Variants in MAPK10 observed in about 807,000 individuals in gnomAD.
The protein encoded by MAPK10 is mitogen-activated protein kinase 10.
Under a neutral mutation model 59.3 loss-of-function variants are expected in MAPK10, and 25 were observed. That is an observed-to-expected ratio of 0.42 (90% CI 0.31 to 0.59). The LOEUF is 0.59. MAPK10 is among the 20% of genes least tolerant of loss of function. MAPK10 has a pLI of 0.15. For synonymous variants in MAPK10, 190 were observed against 200.5 expected, an observed-to-expected ratio of 0.95 and a Z score of 0.44; for missense variants, 351 against 568.9, an observed-to-expected ratio of 0.62 and a Z score of 3.90.
At chr4:86,517,698 T>C (rs186568613) in intron 1 of MAPK10, among the ~76,000 whole-genome samples, 9 of 152,306 alleles carry the variant, frequency 5.9e-5, no homozygotes, top group Non-Finnish European at 2.9e-5. Context: ...TTCTTAGTTT[T>C]AATATTAGGG....
At chr4:86,200,509 T>C (rs1390703068) in intron 2 of MAPK10, among the ~76,000 whole-genome samples, 1 of 151,946 alleles carries the variant, frequency 6.6e-6, no homozygotes, top group Non-Finnish European at 1.5e-5. Flanking sequence ...TCCCTTTCCA[T>C]TGCTGACAAA....
At chr4:86,033,498 T>C (rs1273719109) in intron 11 of MAPK10, among the ~76,000 whole-genome samples, 1 of 152,230 alleles carries the variant, frequency 6.6e-6, no homozygotes, top group Non-Finnish European at 1.5e-5. Flanking sequence ...AAGAGTACAG[T>C]TCCTGCCAAA....
intron 3 of MAPK10, among the ~76,000 whole-genome samples, chr4:86,169,606 AC>A (rs2073323298): frequency 6.6e-6 from 1 of 152,150 alleles, no homozygotes; most frequent in Non-Finnish European, 1.5e-5. Flanking sequence ...CCTGAAAGTG[AC>A]TGGGAGAATG....
At chr4:86,333,280 A>T (rs542994549) in intron 2 of MAPK10, among the ~76,000 whole-genome samples, 1 of 152,302 alleles carries the variant, frequency 6.6e-6, no homozygotes, top group East Asian at 1.9e-4. Context: ...TAGGCATCAA[A>T]CCAATTTCAT....
At chr4:86,032,294 T>C (rs1023837351) in intron 11 of MAPK10, 2 of 151,768 alleles carry the variant, frequency 1.3e-5, no homozygotes, top group Non-Finnish European at 2.9e-5. Flanking sequence ...CTTTGGGAGA[T>C]CTACCATGGC....
intron 1 of MAPK10, among the ~76,000 whole-genome samples, chr4:86,509,460 C>A (rs1756042514): frequency 6.8e-6 from 1 of 148,100 alleles, no homozygotes; most frequent in African/African-American, 2.5e-5. Flanking sequence ...GAAACGCTGA[C>A]CAAAAAAAAA....
intron 2 of MAPK10, among the ~76,000 whole-genome samples, chr4:86,249,322 A>G (rs753305755): frequency 6.6e-6 from 1 of 152,166 alleles, no homozygotes; most frequent in African/African-American, 2.4e-5. Context: ...GCCAGTGTCT[A>G]TGATTCTCCT....
intron 4 of MAPK10, among the ~76,000 whole-genome samples, chr4:86,148,679 G>C (rs2065612806): frequency 6.6e-6 from 1 of 152,182 alleles, no homozygotes; most frequent in African/African-American, 2.4e-5. Context: ...GCAACTGAAG[G>C]AATAGCAATC....
chr4:86,379,730 A>G (rs1406400633), intron 1 of MAPK10, among the ~76,000 whole-genome samples: 3 of 152,194 alleles, frequency 2.0e-5, no homozygotes, highest in African/African-American at 4.8e-5. Context: ...TAGTTAATCT[A>G]TAATCTATAG....
intron 3 of MAPK10, among the ~76,000 whole-genome samples, chr4:86,188,216 A>T (rs1269480444): frequency 2.0e-5 from 3 of 152,114 alleles, no homozygotes; most frequent in Admixed American, 2.0e-4. Flanking sequence ...ATACCTGTGC[A>T]TTTGTCTTTA....
chr4:86,436,736 A>G (rs1398137653), intron 1 of MAPK10, among the ~76,000 whole-genome samples: 2 of 152,184 alleles, frequency 1.3e-5, no homozygotes, highest in Non-Finnish European at 2.9e-5. Context: ...TAGTTAATAT[A>G]TCAAGATATA....
intron 1 of MAPK10, among the ~76,000 whole-genome samples, chr4:86,423,399 G>T (rs757959706): frequency 6.6e-6 from 1 of 152,194 alleles, no homozygotes; most frequent in Admixed American, 6.5e-5. Flanking sequence ...AGGACACAAA[G>T]AATTTAGTAA....
chr4:86,392,281 A>G (rs1742313319), intron 1 of MAPK10: 2 of 152,264 alleles, frequency 1.3e-5, no homozygotes, highest in African/African-American at 2.4e-5. Context: ...TCTACTAAAA[A>G]TACAAAAATT....
intron 8 of MAPK10, chr4:86,098,873 G>C (rs2054750754): frequency 3.1e-6 from 1 of 323,492 alleles, no homozygotes; most frequent in South Asian, 6.1e-5. Context: ...ATTGGTGACT[G>C]AGAAAAGCAA....
chr4:86,244,190 C>T (rs555406481), intron 2 of MAPK10, among the ~76,000 whole-genome samples: 18 of 152,070 alleles, frequency 1.2e-4, no homozygotes, highest in Non-Finnish European at 2.4e-4. Flanking sequence ...ACTGAAAAAG[C>T]ATAAAAAGGA....
chr4:86,072,196 C>T (rs2048175419), intron 9 of MAPK10, among the ~76,000 whole-genome samples: 1 of 150,752 alleles, frequency 6.6e-6, no homozygotes. Context: ...CTCTGTTTGT[C>T]TGTTGTTGGT....
chr4:86,579,516 T>TACACACACAC lies in MAPK10; in HGVS notation c.-263+14384_-263+14393dup, dbSNP rs35878270. ...ATACAAGCAAATATGGATATGTGTA[T>TACACACACAC]ACACACACACACACACACACACACA... On this transcript the variant is annotated intron_variant, in intron 1 of 4. Coordinates refer to the MAPK10 transcript ENST00000502302. Among the ~76,000 whole-genome samples, 674 of 146,282 alleles carry TACACACACAC rather than the reference T, an allele frequency of 4.6e-3. 3 individuals carry two copies. The highest frequency in any genetic ancestry group is 0.011 in the African/African-American group (454 of 39,792).
At chr4:86,064,538 G>A in intron 10 of MAPK10, 148 bp from the exon 11 acceptor site, 1 of 709,642 alleles carries the variant, frequency 1.4e-6, no homozygotes, top group Non-Finnish European at 2.3e-6. Flanking sequence ...AAAAGAAAAT[G>A]CATTTTACAC....
At chr4:86,506,248 T>C (rs1755728173) in intron 1 of MAPK10, among the ~76,000 whole-genome samples, 1 of 152,126 alleles carries the variant, frequency 6.6e-6, no homozygotes, top group Admixed American at 6.5e-5. Flanking sequence ...GTCCTCTGAA[T>C]AGGACCATTA....
Sources: allele counts gnomAD v4.1 joint callset (sites outside exome capture counted in the v4.1 genomes callset), GRCh38; gene constraint gnomAD v4.1.1; transcripts MANE v1.5; gene names NCBI Gene and HGNC (gene_info 2026-07-23, HGNC 2026-07-21).